SLC8A1: variants seen among roughly 807,000 people sequenced by gnomAD.
The protein encoded by SLC8A1 is solute carrier family 8 member A1.
Under a neutral mutation model 68.3 loss-of-function variants are expected in SLC8A1, and 18 were observed. The ratio of observed to expected loss-of-function variants is 0.26; its 90% CI spans 0.18 to 0.39. The LOEUF (loss-of-function observed/expected upper bound fraction) is 0.39. SLC8A1 is among the 10% of genes least tolerant of loss of function. The pLI is 1.00. For synonymous variants in SLC8A1, 475 were observed against 415.5 expected, an observed-to-expected ratio of 1.14 and a Z score of -1.74; for missense variants, 985 against 1,156.7, an observed-to-expected ratio of 0.85 and a Z score of 2.15.
intron 4 of SLC8A1, among the ~76,000 whole-genome samples, chr2:40,174,100 A>G (rs1186567650): frequency 6.6e-6 from 1 of 152,116 alleles, no homozygotes; most frequent in East Asian, 1.9e-4. Context: ...CAGAAATATT[A>G]CTCATTACCA....
intron 1 of SLC8A1, among the ~76,000 whole-genome samples, chr2:40,509,030 T>G (rs1426030366): frequency 6.6e-6 from 1 of 152,124 alleles, no homozygotes; most frequent in African/African-American, 2.4e-5. Context: ...GGGAGGCCAT[T>G]TTCTCCTCAA....
chr2:40,296,703 C>T (rs919258435), intron 2 of SLC8A1, among the ~76,000 whole-genome samples: 2 of 151,988 alleles, frequency 1.3e-5, no homozygotes, highest in African/African-American at 4.8e-5. Context: ...TTTATGTTTA[C>T]TCTTGTTATG....
At chr2:40,404,044 T>A (rs1405774041) in intron 2 of SLC8A1, among the ~76,000 whole-genome samples, 1 of 152,188 alleles carries the variant, frequency 6.6e-6, no homozygotes, top group Non-Finnish European at 1.5e-5. Flanking sequence ...ACTATCAAGA[T>A]AAAGCAAATC....
intron 2 of SLC8A1, among the ~76,000 whole-genome samples, chr2:40,343,594 T>A (rs1231807329): frequency 6.6e-6 from 1 of 152,214 alleles, no homozygotes; most frequent in Non-Finnish European, 1.5e-5. Context: ...TCTGTAAGAT[T>A]AAATATCTGT....
intron 7 of SLC8A1, among the ~76,000 whole-genome samples, chr2:40,131,807 A>G (rs2039389667): frequency 1.3e-5 from 2 of 149,390 alleles, no homozygotes; most frequent in South Asian, 2.1e-4. Context: ...CTTTGTGTTC[A>G]GATTCATTAG....
At chr2:40,298,727 T>C (rs1367848616) in intron 2 of SLC8A1, among the ~76,000 whole-genome samples, 1 of 152,124 alleles carries the variant, frequency 6.6e-6, no homozygotes, top group Admixed American at 6.6e-5. Context: ...ACATAAGAGA[T>C]GGTAAAGGAA....
At chr2:40,392,717 G>C (rs1559501895) in intron 2 of SLC8A1, among the ~76,000 whole-genome samples, 1 of 152,064 alleles carries the variant, frequency 6.6e-6, no homozygotes, top group East Asian at 1.9e-4. Context: ...TGTTAGTAAT[G>C]AAATGCCAAT....
intron 1 of SLC8A1, among the ~76,000 whole-genome samples, chr2:40,503,933 T>G (rs1706201675): frequency 6.6e-6 from 1 of 152,058 alleles, no homozygotes; most frequent in African/African-American, 2.4e-5. Context: ...GATGACATTC[T>G]TCACTGAAAT....
chr2:40,316,925 T>C (rs148240221), intron 2 of SLC8A1, among the ~76,000 whole-genome samples: 6 of 152,136 alleles, frequency 3.9e-5, no homozygotes, highest in Non-Finnish European at 7.4e-5. Flanking sequence ...CCATGCTTTA[T>C]GTCATCATCT....
Position 40,462,479 on chromosome 2 carries a change from T to C in SLC8A1, c.-24-32175A>G, listed in dbSNP as rs570128060. ...TGACAAGTTGGGAATCTTTTCTTTTTTTTTTTTCTTTGAGAGGCAGTATCT... is the reference window on the plus strand; with the variant it reads ...TGACAAGTTGGGAATCTTTTCTTTTCTTTTTTTCTTTGAGAGGCAGTATCT... On this transcript the variant is annotated intron_variant, in intron 1 of 7. Transcript: ENST00000402441. Among the ~76,000 whole-genome samples the C allele has an allele frequency of 1.1e-3, 166 of 152,082 alleles. 1 individual carries two copies. Among genetic ancestry groups the C allele is most frequent in the African/African-American group, 3.6e-3 (151 of 41,484 alleles).
intron 1 of SLC8A1, among the ~76,000 whole-genome samples, chr2:40,437,115 A>G (rs1699582754): frequency 6.6e-6 from 1 of 152,204 alleles, no homozygotes; most frequent in Admixed American, 6.5e-5. Flanking sequence ...TAAGCTGGCT[A>G]GAGTCATATA....
intron 1 of SLC8A1, among the ~76,000 whole-genome samples, chr2:40,444,788 A>G (rs913486380): frequency 6.6e-6 from 1 of 152,232 alleles, no homozygotes; most frequent in Non-Finnish European, 1.5e-5. Context: ...ATTCATTTAT[A>G]TATCATCTAT....
intron 2 of SLC8A1, among the ~76,000 whole-genome samples, chr2:40,301,521 T>C (rs148571314): frequency 0.027 from 4,166 of 151,788 alleles, 73 homozygotes; most frequent in Middle Eastern, 0.085. Flanking sequence ...ATGTTCTCAC[T>C]CATAAATGGG....
At chr2:40,203,341 A>G (rs1034849987) in intron 2 of SLC8A1, among the ~76,000 whole-genome samples, 1 of 152,020 alleles carries the variant, frequency 6.6e-6, no homozygotes, top group Non-Finnish European at 1.5e-5. Flanking sequence ...GCAAACAGCT[A>G]AAGAACTTTG....
intron 7 of SLC8A1, among the ~76,000 whole-genome samples, chr2:40,127,936 A>G (rs1237329398): frequency 1.3e-5 from 2 of 152,236 alleles, no homozygotes; most frequent in Non-Finnish European, 2.9e-5. Flanking sequence ...TTTTTAGATC[A>G]TGTGCTAGAA....
intron 1 of SLC8A1, among the ~76,000 whole-genome samples, chr2:40,507,443 CA>C (rs1706443538): frequency 6.6e-6 from 1 of 151,978 alleles, no homozygotes; most frequent in African/African-American, 2.4e-5. Context: ...TTGGTATTCA[CA>C]AAAACTTTTT....
At chr2:40,444,648 C>A (rs569920009) in intron 1 of SLC8A1, among the ~76,000 whole-genome samples, 1 of 151,964 alleles carries the variant, frequency 6.6e-6, no homozygotes, top group East Asian at 1.9e-4. Context: ...TCTCGTAAGG[C>A]GCACAAAATT....
intron 7 of SLC8A1, among the ~76,000 whole-genome samples, chr2:40,138,698 A>C (rs945311815): frequency 6.6e-6 from 1 of 152,104 alleles, no homozygotes; most frequent in Non-Finnish European, 1.5e-5. Context: ...GGTAATTCTG[A>C]TCCCCACCAA....
intron 2 of SLC8A1, among the ~76,000 whole-genome samples, chr2:40,377,221 T>A (rs1477561205): frequency 6.6e-6 from 1 of 151,968 alleles, no homozygotes; most frequent in Non-Finnish European, 1.5e-5. Flanking sequence ...TCAAAGACAT[T>A]CTCCAGTTGG....
Sources: allele counts gnomAD v4.1 joint callset (sites outside exome capture counted in the v4.1 genomes callset), GRCh38; gene constraint gnomAD v4.1.1; transcripts MANE v1.5; gene names NCBI Gene and HGNC (gene_info 2026-07-23, HGNC 2026-07-21).